Variants in RELN observed in about 807,000 individuals in gnomAD.
RELN encodes the protein reelin.
A neutral mutation model predicts 427.6 loss-of-function variants in RELN; 108 were observed. The observed-to-expected ratio is 0.25, with a 90% CI of 0.22 to 0.30. The LOEUF (loss-of-function observed/expected upper bound fraction) is 0.30, where lower values mean the gene tolerates loss of function less well. RELN is among the 10% of genes least tolerant of loss of function. The pLI, the probability that RELN is intolerant of heterozygous loss-of-function variation, is 1.00. For missense variants in RELN, 3,715 were observed against 4,302.8 expected (o/e 0.86, Z 3.82); for synonymous variants, 1,524 against 1,513.4 (o/e 1.01, Z -0.16).
At chr7:103,933,072 C>T (rs763701487) in intron 1 of RELN, among the ~76,000 whole-genome samples, 7 of 152,150 alleles carry the variant, frequency 4.6e-5, no homozygotes, top group Non-Finnish European at 1.0e-4. Flanking sequence ...CTACCAGTCC[C>T]ACCATGGTGC....
At chr7:103,949,067 G>GTA (rs1240059036) in intron 1 of RELN, among the ~76,000 whole-genome samples, 2 of 148,814 alleles carry the variant, frequency 1.3e-5, no homozygotes, top group African/African-American at 2.5e-5. Flanking sequence ...ATATATATGG[G>GTA]TATATATATA....
chr7:103,590,190 G>A lies in RELN; in HGVS notation c.3913-362C>T, dbSNP rs115072691. ...ACAGAGGAAACCATAAGATGGAGAA[G>A]CAGCTGTCTTCTTCAGTACAGGAAG... On this transcript the variant is annotated intron_variant, in intron 27 of 64. Coordinates refer to ENST00000428762, the MANE Select transcript of RELN (RefSeq NM_005045.4). Among the ~76,000 whole-genome samples, 776 of 152,240 alleles carry A rather than the reference G, an allele frequency of 5.1e-3. 6 individuals are homozygous for A. The highest frequency in any genetic ancestry group is 0.017 in the African/African-American group (717 of 41,536).
intron 35 of RELN, 26 bp downstream of exon 35, chr7:103,561,787 A>G: frequency 1.9e-6 from 3 of 1,613,956 alleles, no homozygotes; most frequent in Non-Finnish European, 2.5e-6. Flanking sequence ...TTACAAAGAA[A>G]GAAACTGTCA....
intron 1 of RELN, among the ~76,000 whole-genome samples, chr7:103,938,498 T>C (rs941863391): frequency 1.3e-5 from 2 of 152,080 alleles, no homozygotes; most frequent in African/African-American, 4.8e-5. Context: ...AAATTTCACA[T>C]CATATTTCTC....
Position 103,589,768 on chromosome 7 carries a change from G to A in RELN, c.3973C>T (p.His1325Tyr), listed in dbSNP as rs1428529923. ...AGAAACCAGGACATACCAGCATCAT[G>A]AGAGTACTGAAGAAGAACTGGAGCA... ...STAPVLLQYS[H>Y]DAGMSWFLVK... Residue 1325 changes from histidine to tyrosine, a missense_variant, in exon 28 of 65, where the codon CAT (histidine) becomes TAT (tyrosine). Physicochemically the swap from His to Tyr is moderately conservative, Grantham distance 83 (BLOSUM62 2). Around this residue, in one of 4 missense-constraint regions of RELN, gnomAD observed 2,208 missense variants for 2,361.7 expected, o/e 0.93. Coordinates refer to ENST00000428762, the MANE Select transcript of RELN (RefSeq NM_005045.4). 6 of 1,613,740 alleles carry A rather than the reference G, an allele frequency of 3.7e-6. No homozygotes were observed. The highest frequency in any genetic ancestry group is 5.1e-6 in the Non-Finnish European group (6 of 1,179,650).
At chr7:103,967,532 T>C (rs192488847) in intron 1 of RELN, among the ~76,000 whole-genome samples, 19 of 152,256 alleles carry the variant, frequency 1.2e-4, no homozygotes, top group African/African-American at 4.6e-4. Context: ...AGCTTGAAAC[T>C]GCAAACAGGC....
intron 1 of RELN, among the ~76,000 whole-genome samples, chr7:103,972,828 A>G (rs1022123509): frequency 6.6e-6 from 1 of 151,916 alleles, no homozygotes; most frequent in African/African-American, 2.4e-5. Context: ...TTTCTGGCTT[A>G]TTAATATTTT....
chr7:103,543,727 G>A (rs560466477), intron 42 of RELN, among the ~76,000 whole-genome samples: 1 of 116,072 alleles, frequency 8.6e-6, no homozygotes, highest in East Asian at 2.0e-4. Flanking sequence ...CAGATACTCC[G>A]ATTTCGTTTA....
At chr7:103,867,489 G>T (rs1794228093) in intron 2 of RELN, among the ~76,000 whole-genome samples, 1 of 152,062 alleles carries the variant, frequency 6.6e-6, no homozygotes, top group South Asian at 2.1e-4. Flanking sequence ...CAATGTACTG[G>T]ATCAAAACTG....
At chr7:103,905,643 GTAAATATTTATT>G (rs1795187410) in intron 2 of RELN, among the ~76,000 whole-genome samples, 1 of 152,154 alleles carries the variant, frequency 6.6e-6, no homozygotes, top group Non-Finnish European at 1.5e-5. Flanking sequence ...TATTCATTCA[GTAAATATTTATT>G]GAGCACTGGT....
At chr7:103,564,285 C>T (rs1830699652) in intron 34 of RELN, among the ~76,000 whole-genome samples, 4 of 152,162 alleles carry the variant, frequency 2.6e-5, no homozygotes, top group Admixed American at 2.6e-4. Flanking sequence ...AGGTTTGAAC[C>T]AGGAAAACAG....
intron 6 of RELN, 124 bp downstream of exon 6, chr7:103,749,302 C>A (rs1226012669): frequency 3.8e-6 from 3 of 783,608 alleles, no homozygotes; most frequent in Non-Finnish European, 6.9e-6. Context: ...CATAGCTTAA[C>A]AAGTCTCACT....
intron 6 of RELN, among the ~76,000 whole-genome samples, chr7:103,732,992 T>G (rs1028869982): frequency 3.9e-5 from 6 of 152,142 alleles, no homozygotes; most frequent in African/African-American, 1.2e-4. Context: ...TCCTTGCCCA[T>G]GCCTATGTCC....
intron 2 of RELN, among the ~76,000 whole-genome samples, chr7:103,845,045 GCT>G (rs1414585531): frequency 1.3e-5 from 2 of 152,094 alleles, no homozygotes; most frequent in Admixed American, 6.6e-5. Flanking sequence ...ATCCAGACTG[GCT>G]AAACTAAAAG....
intron 3 of RELN, among the ~76,000 whole-genome samples, chr7:103,801,277 C>A (rs1205867778): frequency 1.3e-5 from 2 of 152,204 alleles, no homozygotes; most frequent in African/African-American, 2.4e-5. Flanking sequence ...AAGACACATG[C>A]ACACATATGT....
rs112706232 is a variant in RELN, at chr7:103,839,930, A to G, written c.338-6258T>C. On this transcript the variant is annotated intron_variant, in intron 2 of 64. Transcript: ENST00000428762. ...ACCTGGTGGGAGGTGACTGTATCAT[A>G]GAGGTGGATTTCCCTCTTGCTGTTC... Among the ~76,000 whole-genome samples, 249 of 152,292 alleles carry G rather than the reference A, an allele frequency of 1.6e-3. 1 individual carries two copies. Among genetic ancestry groups the G allele is most frequent in the African/African-American group, 5.8e-3 (241 of 41,544 alleles).
At chr7:103,966,076 A>G (rs1015738569) in intron 1 of RELN, among the ~76,000 whole-genome samples, 2 of 152,254 alleles carry the variant, frequency 1.3e-5, no homozygotes, top group Non-Finnish European at 2.9e-5. Flanking sequence ...GATAAAAACA[A>G]GACAAGTTCC....
At chr7:103,514,720 T>C (rs953603487) in intron 50 of RELN, among the ~76,000 whole-genome samples, 6 of 151,916 alleles carry the variant, frequency 3.9e-5, no homozygotes, top group Non-Finnish European at 5.9e-5. Flanking sequence ...AATACCCCTA[T>C]AGGGAATGAA....
At chr7:103,562,824 A>G (rs1830671322) in intron 34 of RELN, among the ~76,000 whole-genome samples, 1 of 152,138 alleles carries the variant, frequency 6.6e-6, no homozygotes. Flanking sequence ...TCCCCAACAT[A>G]TGCACTGTCA....
Sources: gnomAD v4.1 joint callset for allele counts (sites outside exome capture counted in the v4.1 genomes callset) on GRCh38, gnomAD v4.1.1 for gene constraint, gnomAD v4.1.1 regional missense constraint, MANE v1.5 for transcripts, NCBI Gene and HGNC (gene_info 2026-07-23, HGNC 2026-07-21) for gene names.